NSD2: variants seen among roughly 807,000 people sequenced by gnomAD.
The protein encoded by NSD2 is nuclear receptor binding SET domain protein 2, also known as histone-lysine N-methyltransferase NSD2.
Under a neutral mutation model 139.0 loss-of-function variants are expected in NSD2, and 12 were observed. That is an observed-to-expected ratio of 0.09 (90% CI 0.06 to 0.14). The LOEUF is 0.14. Ranked by LOEUF, NSD2 falls within the 10% of genes least tolerant of loss-of-function variation. The probability of loss-of-function intolerance (pLI) is 1.00; values close to 1 mark genes in which losing one functional copy is unlikely to be tolerated. For synonymous variants in NSD2, 669 were observed against 648.7 expected (o/e 1.03, Z -0.48); for missense variants, 1,155 against 1,745.0 (o/e 0.66, Z 6.02).
intron 18 of NSD2, among the ~76,000 whole-genome samples, chr4:1,970,877 CT>C (rs1399454445): frequency 6.6e-6 from 1 of 152,246 alleles, no homozygotes; most frequent in Non-Finnish European, 1.5e-5. Flanking sequence ...AGCAGCTCCT[CT>C]GCCTCACAGT....
rs1723200081 is a variant in NSD2 at position 1,942,491 on chromosome 4, G to A, written c.1881+2713G>A. 7 of 1,524,612 alleles carry A rather than the reference G, an allele frequency of 4.6e-6. No individual in the cohort carries two copies. The highest frequency in any genetic ancestry group is 6.2e-6 in the Non-Finnish European group (7 of 1,134,920). The allele number at this position is 1,524,612 out of a possible 1,614,324, so 94.4% of individuals were successfully genotyped here. A position where few individuals can be genotyped will look rare whatever the true frequency, so the allele number is the denominator to read the frequency against. ...CTATCACAATCATTTTATGGAAGAT[G>A]TGTGATAATCTGTTTTTACTGGTAT... On this transcript the variant is annotated intron_variant, in intron 9 of 21. Transcript: ENST00000508803. The surrounding 1 kb of genome is among the most constrained non-coding windows in gnomAD (Gnocchi z 4.0).
At chr4:1,954,892 C>T (rs2108955603) in intron 12 of NSD2, among the ~76,000 whole-genome samples, 1 of 152,322 alleles carries the variant, frequency 6.6e-6, no homozygotes, top group South Asian at 2.1e-4. Flanking sequence ...TGCTGCTCCA[C>T]ACTGCACAAT....
chr4:1,883,967 T>G (rs1399125583), intron 1 of NSD2, among the ~76,000 whole-genome samples: 1 of 152,232 alleles, frequency 6.6e-6, no homozygotes, highest in African/African-American at 2.4e-5. Flanking sequence ...TTGTTTAACT[T>G]AAGACAACTT....
chr4:1,882,624 A>G (rs1012559041), intron 1 of NSD2, among the ~76,000 whole-genome samples: 2 of 152,164 alleles, frequency 1.3e-5, no homozygotes, highest in Non-Finnish European at 1.5e-5. Flanking sequence ...AGATCGCGCC[A>G]CTGCACTCCA....
At chr4:1,879,824 T>TTGTGTG (rs140755867) in intron 1 of NSD2, among the ~76,000 whole-genome samples, 2,048 of 144,144 alleles carry the variant, frequency 0.014, 40 homozygotes, top group African/African-American at 0.046. Flanking sequence ...CCCATGGCAC[T>TTGTGTG]TGTGTGTGTG....
rs1723823258 is a variant in NSD2 at position 1,948,091 on chromosome 4, A to G, written c.1882-2981A>G. ...CCTGAAGGAATGTATTTCTAAGGCA[A>G]ATAGGCAACTTGGTACTATCTTATT... On this transcript the variant is annotated intron_variant, in intron 9 of 21. Coordinates refer to ENST00000508803, the MANE Select transcript of NSD2 (RefSeq NM_001042424.3). The surrounding 1 kb of genome is among the most constrained non-coding windows in gnomAD (Gnocchi z 4.5). 1 of 1,059,082 alleles carries G rather than the reference A, an allele frequency of 9.4e-7. No individual in the cohort carries two copies. Among genetic ancestry groups the G allele is most frequent in the Non-Finnish European group, 1.1e-6 (1 of 875,070 alleles). 65.6% of individuals were successfully genotyped at this position (1,059,082 alleles called of 1,614,324 possible).
At position 1,874,571 on chromosome 4, in the gene NSD2, C is replaced by T. The variant is rs1178474796; in HGVS notation, c.-30+3029C>T. Among the ~76,000 whole-genome samples, 4 of 152,120 alleles carry T rather than the reference C, an allele frequency of 2.6e-5. No homozygotes were observed. In the East Asian group the frequency reaches 7.7e-4, roughly 29 times the overall value. ...GCCCATTTTAATGCCGATATCTGGC[C>T]TGTTTGCCTCTCTGTTTTGTAAGTA... On this transcript the variant is annotated intron_variant, in intron 1 of 21. Transcript: ENST00000508803.
intron 9 of NSD2, chr4:1,946,523 C>G: frequency 1.0e-6 from 1 of 992,896 alleles, no homozygotes; most frequent in Non-Finnish European, 1.2e-6. Context: ...CCCGCCTCAC[C>G]CTCCCAAAAT....
chr4:1,930,065 G>C (rs1274680222), intron 5 of NSD2, among the ~76,000 whole-genome samples: 1 of 152,150 alleles, frequency 6.6e-6, no homozygotes, highest in East Asian at 1.9e-4. Flanking sequence ...TGGCAGCCCT[G>C]GTGTGGCTGG....
At chr4:1,970,589 A>AGG (rs1726355021) in intron 18 of NSD2, among the ~76,000 whole-genome samples, 1 of 152,140 alleles carries the variant, frequency 6.6e-6, no homozygotes, top group Non-Finnish European at 1.5e-5. Context: ...GCAGGGAGAA[A>AGG]GGAGGGTAAG....
intron 3 of NSD2, among the ~76,000 whole-genome samples, chr4:1,913,058 C>T (rs937852207): frequency 4.6e-5 from 7 of 152,214 alleles, no homozygotes; most frequent in Non-Finnish European, 8.8e-5. Context: ...TGTAGCATTA[C>T]TCTTTATTCA....
Position 1,962,222 on chromosome 4 carries a change from CGTGGGGCTTACACCTTTCAAAGAAGTCA to C in NSD2, c.3372+1075_3372+1102del, listed in dbSNP as rs559945800. On this transcript the variant is annotated intron_variant, in intron 18 of 21. Transcript: ENST00000508803. ...ACTGGGCTCTGTGTCAATCACAGGT[CGTGGGGCTTACACCTTTCAAAGAAGTCA>C]GTGTCATGAAGGACAAAAAGAATCC... Among the ~76,000 whole-genome samples the C allele has an allele frequency of 9.7e-4, 147 of 152,270 alleles. 1 individual carries two copies. The highest frequency in any genetic ancestry group is 3.0e-3 in the African/African-American group (123 of 41,550).
chr4:1,884,078 A>G (rs1714902009), intron 1 of NSD2, among the ~76,000 whole-genome samples: 1 of 152,218 alleles, frequency 6.6e-6, no homozygotes, highest in Non-Finnish European at 1.5e-5. Flanking sequence ...TTGCAGATAT[A>G]AAAATTAGAT....
chr4:1,948,551 A>AG lies in NSD2; in HGVS notation c.1882-2516dup, dbSNP rs1207933561. 16 of 1,063,684 alleles carry AG rather than the reference A, an allele frequency of 1.5e-5. No homozygotes were observed. The highest frequency in any genetic ancestry group is 1.8e-5 in the Non-Finnish European group (16 of 877,534). The allele number at this position is 1,063,684 out of a possible 1,614,324, so 65.9% of individuals were successfully genotyped here. ...GCTAGTTGTCTGTCCGGTGGCTGGG[A>AG]GGGGGTGTGGTGGGAAAAAGTCGGA... is the stretch of plus-strand genomic sequence containing the variant. On this transcript the variant is annotated intron_variant, in intron 9 of 21. Transcript: ENST00000508803. This position sits in a 1 kb window ranked among gnomAD's most constrained non-coding sequence, Gnocchi z 4.5.
At chr4:1,953,302 C>T in intron 11 of NSD2, 22 bp from the exon 12 acceptor site, 6 of 1,614,236 alleles carry the variant, frequency 3.7e-6, no homozygotes, top group Non-Finnish European at 5.1e-6. Context: ...CTCTCTCCAC[C>T]CCTTCTTTAA....
At position 1,980,734 on chromosome 4, in the gene NSD2, G is replaced by T. The variant is rs533635865; in HGVS notation, c.*1825G>T. On this transcript the variant is annotated 3_prime_UTR_variant, in exon 22 of 22. Coordinates refer to ENST00000508803, the MANE Select transcript of NSD2 (RefSeq NM_001042424.3). ...ACTACACAGAGGACCCAGGGGAAAC[G>T]AGCTGTGTAGCCACTGACTTGCTCG... The T allele has an allele frequency of 1.2e-4, 29 of 233,240 alleles. No homozygotes were observed. The highest frequency in any genetic ancestry group is 6.4e-4 in the African/African-American group (29 of 45,460). 14.4% of individuals were successfully genotyped at this position (233,240 alleles called of 1,614,324 possible).
chr4:1,883,754 TGGCTGCATTCCCA>T (rs1714877612), intron 1 of NSD2, among the ~76,000 whole-genome samples: 1 of 152,144 alleles, frequency 6.6e-6, no homozygotes, highest in African/African-American at 2.4e-5. Context: ...GTCTTGTCCA[TGGCTGCATTCCCA>T]GAGCGAGCAG....
intron 1 of NSD2, among the ~76,000 whole-genome samples, chr4:1,885,846 T>C (rs761459706): frequency 2.0e-5 from 3 of 152,172 alleles, no homozygotes; most frequent in Non-Finnish European, 4.4e-5. Flanking sequence ...AGGAATGATA[T>C]AGAAAAACTG....
intron 18 of NSD2, among the ~76,000 whole-genome samples, chr4:1,961,553 A>G (rs942378049): frequency 6.6e-5 from 10 of 152,228 alleles, no homozygotes; most frequent in African/African-American, 2.4e-4. Flanking sequence ...GTTGTGTAGC[A>G]GAATCGTTTT....
Sources: gnomAD v4.1 joint callset for allele counts (sites outside exome capture counted in the v4.1 genomes callset) on GRCh38, gnomAD v4.1.1 for gene constraint, Gnocchi (gnomAD v3.1) non-coding constraint, MANE v1.5 for transcripts, NCBI Gene and HGNC (gene_info 2026-07-23, HGNC 2026-07-21) for gene names.